Variants in ZMAT4 observed in about 807,000 individuals in gnomAD.
The protein encoded by ZMAT4 is zinc finger matrin-type protein 4.
ZMAT4 carries 17 observed loss-of-function variants against 28.7 expected under a neutral mutation model. That is an observed-to-expected ratio of 0.59 (90% CI 0.41 to 0.89). The LOEUF (loss-of-function observed/expected upper bound fraction) is 0.89, where lower values mean the gene tolerates loss of function less well. Among genes scored for constraint, ZMAT4 ranks in the 40% least tolerant of loss-of-function variants. The pLI, the probability that ZMAT4 is intolerant of heterozygous loss-of-function variation, is 0.00. For synonymous variants in ZMAT4, 117 were observed against 109.2 expected, an observed-to-expected ratio of 1.07 and a Z score of -0.44; for missense variants, 240 against 283.8, an observed-to-expected ratio of 0.85 and a Z score of 1.11.
At chr8:40,712,661 C>T (rs994828171) in intron 3 of ZMAT4, among the ~76,000 whole-genome samples, 4 of 152,204 alleles carry the variant, frequency 2.6e-5, no homozygotes, top group Non-Finnish European at 5.9e-5. Context: ...GACAGGGAAG[C>T]TCCAATAGCG....
At chr8:40,681,956 A>T (rs1201013080) in intron 4 of ZMAT4, among the ~76,000 whole-genome samples, 3 of 152,166 alleles carry the variant, frequency 2.0e-5, no homozygotes, top group African/African-American at 7.2e-5. Context: ...AAACTAAAAG[A>T]TGTGGTTTAT....
chr8:40,822,246 A>ATGATC (rs1815856743), intron 2 of ZMAT4, among the ~76,000 whole-genome samples: 1 of 152,216 alleles, frequency 6.6e-6, no homozygotes, highest in African/African-American at 2.4e-5. Flanking sequence ...CTTCTCAGGG[A>ATGATC]CAAGGATCAT....
At chr8:40,752,570 A>G (rs537522535) in intron 3 of ZMAT4, among the ~76,000 whole-genome samples, 1 of 152,290 alleles carries the variant, frequency 6.6e-6, no homozygotes, top group Non-Finnish European at 1.5e-5. Context: ...GGACTTAAAG[A>G]TCAGCATCCC....
chr8:40,580,367 C>G (rs543334700), intron 6 of ZMAT4, among the ~76,000 whole-genome samples: 1 of 151,932 alleles, frequency 6.6e-6, no homozygotes, highest in Non-Finnish European at 1.5e-5. Flanking sequence ...AGTGGGCTCT[C>G]GACAAATGTT....
At chr8:40,549,941 T>C (rs932923694) in intron 6 of ZMAT4, among the ~76,000 whole-genome samples, 1 of 152,218 alleles carries the variant, frequency 6.6e-6, no homozygotes, top group Non-Finnish European at 1.5e-5. Context: ...AAAGGGCACC[T>C]TATAATCCTG....
intron 5 of ZMAT4, among the ~76,000 whole-genome samples, chr8:40,643,770 C>G (rs2599659): frequency 0.56 from 80,662 of 142,860 alleles, 23,113 homozygotes; most frequent in East Asian, 0.7. Flanking sequence ...GAGTGTGCGT[C>G]TGTGTGTTTG....
At chr8:40,764,710 C>T (rs1000900512) in intron 3 of ZMAT4, among the ~76,000 whole-genome samples, 18 of 152,210 alleles carry the variant, frequency 1.2e-4, no homozygotes, top group African/African-American at 4.3e-4. Flanking sequence ...GAGAATACAG[C>T]GTGCTAGTGG....
chr8:40,592,103 G>A (rs1195351820), intron 5 of ZMAT4, among the ~76,000 whole-genome samples: 1 of 152,154 alleles, frequency 6.6e-6, no homozygotes, highest in Non-Finnish European at 1.5e-5. Flanking sequence ...TTGAAATGGG[G>A]GGTAGGGGTG....
chr8:40,590,890 TGAG>T lies in ZMAT4; in HGVS notation c.578-9632_578-9630del, dbSNP rs1201111611. 3.3e-5 allele frequency among the ~76,000 whole-genome samples: 5 copies of T among 152,184 alleles called. No individual in the cohort carries two copies. The East Asian group carries it at 9.7e-4, about 29-fold the overall frequency. On this transcript the variant is annotated intron_variant, in intron 5 of 6. Transcript: ENST00000297737. ...TTGTCCCCATTAGGTTCCATCTCAA[TGAG>T]TTCTACCTATTCCTCTAGGGATAGC...
At chr8:40,554,500 CA>C (rs1173301562) in intron 6 of ZMAT4, among the ~76,000 whole-genome samples, 1 of 152,080 alleles carries the variant, frequency 6.6e-6, no homozygotes, top group Admixed American at 6.6e-5. Flanking sequence ...CAATCATAAA[CA>C]TGTGGAAATC....
intron 2 of ZMAT4, among the ~76,000 whole-genome samples, chr8:40,822,788 T>G (rs1318734667): frequency 6.6e-6 from 1 of 152,172 alleles, no homozygotes; most frequent in Non-Finnish European, 1.5e-5. Flanking sequence ...GAAATATCAT[T>G]CAGAGTTCCC....
intron 1 of ZMAT4, among the ~76,000 whole-genome samples, chr8:40,869,123 T>C (rs988172754): frequency 4.6e-5 from 7 of 152,328 alleles, no homozygotes; most frequent in Admixed American, 1.3e-4. Context: ...TATTCACTTA[T>C]GTTTGTATTA....
At chr8:40,711,429 C>A (rs1374119313) in intron 3 of ZMAT4, among the ~76,000 whole-genome samples, 1 of 152,166 alleles carries the variant, frequency 6.6e-6, no homozygotes, top group Non-Finnish European at 1.5e-5. Flanking sequence ...TGAAAGAACT[C>A]AACACCATTT....
chr8:40,619,032 C>A (rs898205109), intron 5 of ZMAT4, among the ~76,000 whole-genome samples: 1 of 152,172 alleles, frequency 6.6e-6, no homozygotes, highest in Non-Finnish European at 1.5e-5. Flanking sequence ...TTGGAGTAGT[C>A]CCACCTGAGA....
intron 1 of ZMAT4, among the ~76,000 whole-genome samples, chr8:40,865,890 C>A (rs1183090323): frequency 6.6e-6 from 1 of 152,092 alleles, no homozygotes; most frequent in African/African-American, 2.4e-5. Flanking sequence ...TTTAGAAGGC[C>A]AAACCAACTA....
intron 4 of ZMAT4, among the ~76,000 whole-genome samples, chr8:40,678,379 T>A (rs1296463753): frequency 1.3e-5 from 2 of 152,184 alleles, no homozygotes; most frequent in Non-Finnish European, 2.9e-5. Flanking sequence ...AAATTCTGAT[T>A]CCTTTCCCCA....
intron 2 of ZMAT4, among the ~76,000 whole-genome samples, chr8:40,815,000 C>G (rs1249033498): frequency 6.6e-6 from 1 of 152,284 alleles, no homozygotes; most frequent in Admixed American, 6.5e-5. Flanking sequence ...AGAGGCCAGG[C>G]TTGGCAGCTC....
intron 3 of ZMAT4, among the ~76,000 whole-genome samples, chr8:40,703,446 T>C (rs946872686): frequency 1.3e-5 from 2 of 152,166 alleles, no homozygotes; most frequent in African/African-American, 4.8e-5. Flanking sequence ...TTGAAAACAT[T>C]ATGCTAAATA....
chr8:40,638,990 C>A (rs1806899819), intron 5 of ZMAT4, among the ~76,000 whole-genome samples: 3 of 152,200 alleles, frequency 2.0e-5, no homozygotes, highest in Admixed American at 2.0e-4. Context: ...TCACAGTAGC[C>A]TTGCTGCACT....
Sources: gnomAD v4.1 joint callset for allele counts (sites outside exome capture counted in the v4.1 genomes callset) on GRCh38, gnomAD v4.1.1 for gene constraint, MANE v1.5 for transcripts, NCBI Gene and HGNC (gene_info 2026-07-23, HGNC 2026-07-21) for gene names.